DKKL1: variants seen among roughly 807,000 people sequenced by gnomAD.
DKKL1 encodes the protein dickkopf like acrosomal protein 1, also known as dickkopf-like protein 1.
In DKKL1, 11 loss-of-function variants were observed where a neutral mutation model predicts 16.5. That is an observed-to-expected ratio of 0.67 (90% confidence interval 0.42 to 1.10). The LOEUF is 1.10. DKKL1 is among the 50% of genes least tolerant of loss of function. DKKL1 has a pLI of 0.00. For synonymous variants in DKKL1, 119 were observed against 133.2 expected, an observed-to-expected ratio of 0.89 and a Z score of 0.73; for missense variants, 320 against 308.1, an observed-to-expected ratio of 1.04 and a Z score of -0.29.
Position 49,365,612 on chromosome 19 carries a change from G to T in DKKL1, c.287G>T (p.Gly96Val). 2 of 1,613,514 alleles carry T rather than the reference G, an allele frequency of 1.2e-6. No homozygotes were observed. Among genetic ancestry groups the T allele is most frequent in the Non-Finnish European group, 1.7e-6 (2 of 1,179,736 alleles). Residue 96 changes from glycine to valine, a missense_variant, in exon 3 of 5, where the codon GGG becomes GTG. Gly to Val is a moderately radical substitution (Grantham distance 109). Transcript: ENST00000221498. ...GAGGAGAACCAGGAGCACCAGCTGG[G>T]GAACAACACCCTCTCCAGCCACCTC... ...HKEENQEHQL[G>V]NNTLSSHLQI...
intron 1 of DKKL1, 121 bp downstream of exon 1, chr19:49,364,129 C>A: frequency 7.5e-7 from 1 of 1,333,892 alleles, no homozygotes; most frequent in South Asian, 1.3e-5. Context: ...GTGGGCGGAT[C>A]GCTTGAGATC....
At chr19:49,365,436 G>C in intron 2 of DKKL1, 73 bp from the exon 3 acceptor site, 1 of 1,485,722 alleles carries the variant, frequency 6.7e-7, no homozygotes, top group Non-Finnish European at 9.0e-7. Flanking sequence ...GAGCATCCTA[G>C]CAGGGCTGCA....
In DKKL1 at chr19:49,372,459, C is replaced by T. The variant is rs570082585; in HGVS notation, c.418-2258C>T. ...CTGTAATCCCAGCACTTTGGGAGAC[C>T]GAGGCAGGCAGATCATGAGATCAGG... On this transcript the variant is annotated intron_variant, in intron 4 of 4. Coordinates refer to ENST00000221498, the MANE Select transcript of DKKL1 (RefSeq NM_014419.4). Among the ~76,000 whole-genome samples the T allele has an allele frequency of 1.3e-4, 20 of 152,016 alleles. No individual in the cohort carries two copies. The East Asian group carries it at 2.9e-3, about 22-fold the overall frequency.
At chr19:49,368,722 TTAAC>T (rs1311424156) in intron 4 of DKKL1, 1 of 152,186 alleles carries the variant, frequency 6.6e-6, no homozygotes, top group Non-Finnish European at 1.5e-5. Flanking sequence ...ATATTTTTAA[TTAAC>T]TTTTTTTAAG....
chr19:49,374,946 G>A lies in DKKL1; in HGVS notation c.647G>A (p.Gly216Glu). The change falls in exon 5 of 5, where the codon GGG becomes GAG. Residue 216 changes from glycine (G) to glutamate (E), a missense_variant. Gly to Glu is a moderately conservative substitution (Grantham distance 98). Coordinates refer to ENST00000221498, the MANE Select transcript of DKKL1 (RefSeq NM_014419.4). Reference sequence around the variant, plus strand: ...ACCCACAAGGACGTCCTAGAAGAGGGGACCGAGAGCTCCTCCCACTCCAGG... The same window carrying A: ...ACCCACAAGGACGTCCTAGAAGAGGAGACCGAGAGCTCCTCCCACTCCAGG... ...KGTHKDVLEEGTESSSHSRLS... is the reference protein window; with the variant it reads ...KGTHKDVLEEETESSSHSRLS... 1 of 1,613,758 alleles carries A rather than the reference G, an allele frequency of 6.2e-7. No individual in the cohort carries two copies. The highest frequency in any genetic ancestry group is 8.5e-7 in the Non-Finnish European group (1 of 1,179,870).
chr19:49,372,004 TTATC>T (rs1327156050), intron 4 of DKKL1, among the ~76,000 whole-genome samples: 5 of 152,226 alleles, frequency 3.3e-5, no homozygotes. Flanking sequence ...CATGTTTTCT[TTATC>T]TAGTCTATCA....
chr19:49,372,536 A>G (rs1273191493), intron 4 of DKKL1, among the ~76,000 whole-genome samples: 1 of 152,030 alleles, frequency 6.6e-6, no homozygotes, highest in Non-Finnish European at 1.5e-5. Flanking sequence ...TAGTAAAAAT[A>G]CAAAAAAATT....
At chr19:49,362,916 TTTG>T (rs752445856), upstream of DKKL1, among the ~76,000 whole-genome samples, 208 of 137,274 alleles carry the variant, frequency 1.5e-3, 4 homozygotes, top group Non-Finnish European at 2.0e-3. Flanking sequence ...TTTTGGTTTT[TTTG>T]TTTTTTGTTT....
At chr19:49,372,567 G>A (rs1469687771) in intron 4 of DKKL1, among the ~76,000 whole-genome samples, 2 of 151,938 alleles carry the variant, frequency 1.3e-5, no homozygotes, top group Non-Finnish European at 2.9e-5. Flanking sequence ...GGTGGCAGGC[G>A]CCTGTAGTCC....
chr19:49,363,666 C>A, upstream of DKKL1: 1 of 409,966 alleles, frequency 2.4e-6, no homozygotes, highest in South Asian at 2.1e-5. Context: ...CTGACGTGGG[C>A]GTGGTCTGAC....
At chr19:49,367,820 A>G (rs1973315891) in intron 4 of DKKL1, among the ~76,000 whole-genome samples, 1 of 152,216 alleles carries the variant, frequency 6.6e-6, no homozygotes, top group Admixed American at 6.5e-5. Context: ...ATACATCCAT[A>G]TGATACCCAC....
At chr19:49,366,180 C>G (rs1225002440) in intron 4 of DKKL1, among the ~76,000 whole-genome samples, 1 of 152,200 alleles carries the variant, frequency 6.6e-6, no homozygotes, top group Non-Finnish European at 1.5e-5. Flanking sequence ...ATCTGCCCAT[C>G]TTGGCCTTCC....
chr19:49,363,965 G>C lies in DKKL1; in HGVS notation c.-34G>C. The stretch of plus-strand genomic sequence containing the variant: ...GTCCGGTGACCCGGGCTGTGGTCTA[G>C]CATAAAGGCGGAGCCCAGAAGAAGG... On this transcript the variant is annotated 5_prime_UTR_variant, in exon 1 of 5. Transcript: ENST00000221498. 1 of 1,612,284 alleles carries C rather than the reference G, an allele frequency of 6.2e-7. No individual in the cohort carries two copies. Among genetic ancestry groups the C allele is most frequent in the Admixed American group, 1.7e-5 (1 of 59,756 alleles).
rs1485357527 is a variant in DKKL1, at chr19:49,364,768, G to A, written c.183+14G>A. 6.2e-7 allele frequency: 1 copy of A among 1,608,758 alleles called. No homozygotes were observed. The highest frequency in any genetic ancestry group is 1.3e-5 in the African/African-American group (1 of 74,780). Reference sequence around the variant, plus strand: ...CTTTTCCTGAAAGTAAGCGATGGCGGGGGGATGGGGGAAGAAGTACTGAGA... The same window carrying A: ...CTTTTCCTGAAAGTAAGCGATGGCGAGGGGATGGGGGAAGAAGTACTGAGA... On this transcript the variant is annotated intron_variant, in intron 2 of 4. Transcript: ENST00000221498.
intron 1 of DKKL1, 142 bp downstream of exon 1, chr19:49,364,150 G>A: frequency 8.8e-7 from 1 of 1,142,442 alleles, no homozygotes; most frequent in South Asian, 1.5e-5. Flanking sequence ...AGGAGTTCGA[G>A]ACCAGCCTGG....
At chr19:49,364,150 GAC>G in intron 1 of DKKL1, 142 bp downstream of exon 1, 1 of 1,142,442 alleles carries the variant, frequency 8.8e-7, no homozygotes. Flanking sequence ...AGGAGTTCGA[GAC>G]CAGCCTGGGC....
chr19:49,373,753 G>C (rs1302758513), intron 4 of DKKL1, among the ~76,000 whole-genome samples: 1 of 152,034 alleles, frequency 6.6e-6, no homozygotes, highest in African/African-American at 2.4e-5. Context: ...ACACACATGA[G>C]CCACCGCGTC....
intron 4 of DKKL1, chr19:49,370,915 G>A (rs1430959488): frequency 2.0e-5 from 3 of 152,254 alleles, no homozygotes; most frequent in Non-Finnish European, 2.9e-5. Context: ...GCTTCCTGAA[G>A]AGATGTCCTC....
chr19:49,361,160 G>A (rs954263046), upstream of DKKL1, among the ~76,000 whole-genome samples: 143 of 95,982 alleles, frequency 1.5e-3, no homozygotes, highest in East Asian at 2.0e-3. Context: ...GAGACCGGGG[G>A]GGGGGGACAG....
Sources: allele counts gnomAD v4.1 joint callset (sites outside exome capture counted in the v4.1 genomes callset), GRCh38; gene constraint gnomAD v4.1.1; transcripts MANE v1.5; gene names NCBI Gene and HGNC (gene_info 2026-07-23, HGNC 2026-07-21).